CFDP1: variants seen among roughly 807,000 people sequenced by gnomAD.
CFDP1 encodes heterochromatin-stabilizing protein CFDP1.
In CFDP1, 31 loss-of-function variants were observed where a neutral mutation model predicts 40.1. The observed-to-expected ratio is 0.77, with a 90% CI of 0.58 to 1.04. CFDP1 has a LOEUF of 1.04. Ranked by LOEUF, CFDP1 falls within the 50% of genes least tolerant of loss-of-function variation. The probability of loss-of-function intolerance (pLI) is 0.00; values close to 1 mark genes in which losing one functional copy is unlikely to be tolerated. For missense variants in CFDP1, 423 were observed against 343.4 expected (o/e 1.23, Z -1.83); for synonymous variants, 167 against 120.0 (o/e 1.39, Z -2.56).
intron 1 of CFDP1, among the ~76,000 whole-genome samples, 195 bp downstream of exon 1, chr16:75,433,094 A>G (rs2079444165): frequency 6.6e-6 from 1 of 152,048 alleles, no homozygotes; most frequent in Admixed American, 6.6e-5. Flanking sequence ...ACGGGAGGGG[A>G]GCACAGAACC....
intron 6 of CFDP1, among the ~76,000 whole-genome samples, chr16:75,304,691 T>C (rs2078245648): frequency 6.6e-6 from 1 of 152,230 alleles, no homozygotes; most frequent in South Asian, 2.1e-4. Flanking sequence ...ATGATTCAGA[T>C]AAGGCCAAGG....
rs146824267 is a variant in CFDP1 at position 75,349,698 on chromosome 16, T to TATATATATATATACACAC, written c.651-44517_651-44516insGTGTGTATATATATATAT. On this transcript the variant is annotated intron_variant, in intron 5 of 6. Transcript: ENST00000283882. ...AAAAAAAAAAAAAAAAAAATATATA[T>TATATATATATATACACAC]ACATACATATATACGGTTGATTTTT... Among the ~76,000 whole-genome samples the TATATATATATATACACAC allele has an allele frequency of 2.7e-4, 13 of 47,898 alleles. 1 individual carries two copies. Among genetic ancestry groups the TATATATATATATACACAC allele is most frequent in the African/African-American group, 2.2e-4 (2 of 9,172 alleles). 31.4% of individuals were successfully genotyped at this position (47,898 alleles called of 152,430 possible). A position where few individuals can be genotyped will look rare whatever the true frequency, so the allele number is the denominator to read the frequency against.
intron 5 of CFDP1, among the ~76,000 whole-genome samples, chr16:75,384,900 T>TA (rs1567665491): frequency 4.2e-4 from 47 of 113,186 alleles, no homozygotes; most frequent in African/African-American, 1.7e-3. Context: ...ATATATATAT[T>TA]GCAGACCAGT....
chr16:75,364,551 T>A (rs536679446), intron 5 of CFDP1, among the ~76,000 whole-genome samples: 176 of 152,354 alleles, frequency 1.2e-3, no homozygotes, highest in African/African-American at 3.9e-3. Flanking sequence ...GGTGACGGTG[T>A]TATTGCTCTG....
rs760450563 is a variant in CFDP1 at position 75,353,153 on chromosome 16, G to C, written c.650+41937C>G. ...ATCTGATGATTAAAAAGGACTAAGA[G>C]GCAGTGCCAACCAACTGCCATGTAT... is the stretch of plus-strand genomic sequence containing the variant. On this transcript the variant is annotated intron_variant, in intron 5 of 6. Transcript: ENST00000283882. Among the ~76,000 whole-genome samples, 235 of 152,114 alleles carry C rather than the reference G, an allele frequency of 1.5e-3. 1 individual carries two copies. Among genetic ancestry groups the C allele is most frequent in the Non-Finnish European group, 4.7e-4 (32 of 68,024 alleles).
chr16:75,302,323 C>T (rs749130633), intron 6 of CFDP1, among the ~76,000 whole-genome samples: 9 of 152,124 alleles, frequency 5.9e-5, no homozygotes, highest in African/African-American at 1.7e-4. Context: ...TGCACTGGTG[C>T]GATCAGAGCT....
intron 5 of CFDP1, among the ~76,000 whole-genome samples, chr16:75,373,194 A>G (rs1042923928): frequency 6.6e-6 from 1 of 152,242 alleles, no homozygotes; most frequent in Non-Finnish European, 1.5e-5. Context: ...AAAAGAAGGC[A>G]TAATTCCCAA....
At chr16:75,363,917 G>A (rs1202063355) in intron 5 of CFDP1, among the ~76,000 whole-genome samples, 1 of 145,646 alleles carries the variant, frequency 6.9e-6, no homozygotes, top group African/African-American at 2.6e-5. Context: ...GAAGTTAATA[G>A]TCTAGTGGGG....
At chr16:75,357,405 C>A (rs551411831) in intron 5 of CFDP1, among the ~76,000 whole-genome samples, 1 of 152,170 alleles carries the variant, frequency 6.6e-6, no homozygotes, top group South Asian at 2.1e-4. Context: ...CAGGTGTGCA[C>A]CACCATGACC....
intron 6 of CFDP1, among the ~76,000 whole-genome samples, chr16:75,303,351 G>C (rs1192727140): frequency 1.3e-5 from 2 of 151,058 alleles, no homozygotes; most frequent in Non-Finnish European, 2.9e-5. Flanking sequence ...GGGTGACAGG[G>C]TGAGACTCCA....
chr16:75,369,067 A>G (rs941706478), intron 5 of CFDP1, among the ~76,000 whole-genome samples: 2 of 152,188 alleles, frequency 1.3e-5, no homozygotes, highest in African/African-American at 4.8e-5. Flanking sequence ...TAATGTATCA[A>G]ATTCAAGGTT....
chr16:75,350,138 G>C (rs1364811367), intron 5 of CFDP1, among the ~76,000 whole-genome samples: 4 of 152,116 alleles, frequency 2.6e-5, no homozygotes, highest in Admixed American at 2.6e-4. Flanking sequence ...TTGTTCATCT[G>C]TGTTTATCAG....
chr16:75,388,779 G>A (rs2078921818), intron 5 of CFDP1, among the ~76,000 whole-genome samples: 1 of 152,198 alleles, frequency 6.6e-6, no homozygotes, highest in African/African-American at 2.4e-5. Flanking sequence ...ACAATGGTCA[G>A]CATTACTGTC....
intron 1 of CFDP1, among the ~76,000 whole-genome samples, chr16:75,415,030 T>C (rs955243720): frequency 6.6e-6 from 1 of 152,224 alleles, no homozygotes; most frequent in African/African-American, 2.4e-5. Context: ...ATTCACTAAA[T>C]GAATGAGTGA....
intron 5 of CFDP1, among the ~76,000 whole-genome samples, chr16:75,308,103 G>GTC (rs2078270734): frequency 6.6e-6 from 1 of 152,284 alleles, no homozygotes; most frequent in Admixed American, 6.5e-5. Flanking sequence ...TGGCTGCAGG[G>GTC]TCTCCTCTGA....
intron 5 of CFDP1, among the ~76,000 whole-genome samples, chr16:75,310,345 C>G (rs1387674978): frequency 6.6e-6 from 1 of 152,152 alleles, no homozygotes; most frequent in Non-Finnish European, 1.5e-5. Context: ...ATTATCAACT[C>G]CCTTCCCACC....
At chr16:75,316,056 T>C (rs2078321489) in intron 5 of CFDP1, among the ~76,000 whole-genome samples, 1 of 152,138 alleles carries the variant, frequency 6.6e-6, no homozygotes. Context: ...AGAATGTTGC[T>C]CATTGGATTT....
chr16:75,414,780 C>T (rs755375753), intron 1 of CFDP1, 85 bp from the exon 2 acceptor site: 11 of 841,550 alleles, frequency 1.3e-5, no homozygotes, highest in Non-Finnish European at 2.1e-5. Flanking sequence ...AGCTTTCACA[C>T]CGAGACATTT....
Position 75,317,421 on chromosome 16 carries a change from C to G in CFDP1, c.651-12239G>C, listed in dbSNP as rs1303044216. 3.3e-5 allele frequency among the ~76,000 whole-genome samples: 5 copies of G among 152,162 alleles called. No individual in the cohort carries two copies. The South Asian group carries it at 8.3e-4, about 25-fold the overall frequency. ...CCTGGCAAAGCAGAGAAGGACACGC[C>G]ACCATTTCACAGCAGTGTGGGAGTA... is the stretch of plus-strand genomic sequence containing the variant. On this transcript the variant is annotated intron_variant, in intron 5 of 6. Transcript: ENST00000283882.
Sources: gnomAD v4.1 joint callset for allele counts (sites outside exome capture counted in the v4.1 genomes callset) on GRCh38, gnomAD v4.1.1 for gene constraint, MANE v1.5 for transcripts, NCBI Gene and HGNC (gene_info 2026-07-23, HGNC 2026-07-21) for gene names.